The following CAMKK2 variants were observed in gnomAD, a reference collection of about 807,000 sequenced individuals.
The protein encoded by CAMKK2 is calcium/calmodulin-dependent protein kinase kinase 2.
In CAMKK2, 30 loss-of-function variants were observed where a neutral mutation model predicts 67.2. The observed-to-expected ratio is 0.45, with a 90% CI of 0.33 to 0.61. The LOEUF is 0.61. Among genes scored for constraint, CAMKK2 ranks in the 20% least tolerant of loss-of-function variants. CAMKK2 has a pLI of 0.02. For missense variants in CAMKK2, 643 were observed against 802.0 expected (o/e 0.80, Z 2.39); for synonymous variants, 322 against 326.2 (o/e 0.99, Z 0.14).
rs1396233586 is a variant in CAMKK2 at position 121,238,550 on chromosome 12, T to G, written c.*2149A>C. Reference sequence around the variant, plus strand: ...CCTTTCCACAGCTTTCTTTGGTGTTTCTTCATTAAAAGAAAAAAAAAAAGT... The same window carrying G: ...CCTTTCCACAGCTTTCTTTGGTGTTGCTTCATTAAAAGAAAAAAAAAAAGT... On this transcript the variant is annotated 3_prime_UTR_variant, in exon 17 of 17. Coordinates refer to ENST00000404169, the MANE Select transcript of CAMKK2 (RefSeq NM_001270485.2). 1 of 152,404 alleles carries G rather than the reference T, an allele frequency of 6.6e-6. No individual in the cohort carries two copies. Among genetic ancestry groups the G allele is most frequent in the Non-Finnish European group, 1.5e-5 (1 of 68,012 alleles). The allele number at this position is 152,404 out of a possible 1,614,324, so 9.4% of individuals were successfully genotyped here.
At chr12:121,244,717 G>T in intron 15 of CAMKK2, 102 bp from the exon 16 acceptor site, 1 of 911,170 alleles carries the variant, frequency 1.1e-6, no homozygotes, top group Non-Finnish European at 1.7e-6. Context: ...CCAAACACCA[G>T]CTTCATAGAG....
In CAMKK2 at chr12:121,240,672, G is replaced by A. The variant is rs564725074; in HGVS notation, c.*27C>T. 2.6e-6 allele frequency: 4 copies of A among 1,567,930 alleles called. No homozygotes were observed. Among genetic ancestry groups the A allele is most frequent in the East Asian group, 2.3e-5 (1 of 42,794 alleles). ...CAGCCCCCCAGAGGCGACGCGGCGC[G>A]CATGCGAGGTCGAGCGATCCAGGCA... On this transcript the variant is annotated 3_prime_UTR_variant, in exon 17 of 17. Transcript: ENST00000404169. This position sits in a 1 kb window ranked among gnomAD's most constrained non-coding sequence, Gnocchi z 4.4.
chr12:121,268,349 C>G (rs1164208178), intron 5 of CAMKK2, among the ~76,000 whole-genome samples: 1 of 151,880 alleles, frequency 6.6e-6, no homozygotes, highest in Non-Finnish European at 1.5e-5. Context: ...GTGTTTTCCT[C>G]TATTGGATTT....
chr12:121,267,002 G>A (rs532163277), intron 5 of CAMKK2, among the ~76,000 whole-genome samples: 3 of 119,876 alleles, frequency 2.5e-5, no homozygotes, highest in Non-Finnish European at 4.8e-5. Context: ...TCTCCATGAT[G>A]AGCCCTCCTG....
intron 14 of CAMKK2, among the ~76,000 whole-genome samples, chr12:121,246,825 C>T (rs1260743695): frequency 1.4e-5 from 2 of 146,034 alleles, no homozygotes; most frequent in Non-Finnish European, 3.0e-5. Context: ...CCTCCCCCAG[C>T]CCCCCAGCCC....
chr12:121,278,961 C>G (rs1031915600), intron 1 of CAMKK2, among the ~76,000 whole-genome samples: 6 of 152,248 alleles, frequency 3.9e-5, no homozygotes, highest in African/African-American at 1.4e-4. Context: ...AGTCTCTCCC[C>G]TATCCTAGAG....
At chr12:121,262,600 C>T (rs1481520591) in intron 6 of CAMKK2, among the ~76,000 whole-genome samples, 2 of 152,006 alleles carry the variant, frequency 1.3e-5, no homozygotes, top group Non-Finnish European at 2.9e-5. Context: ...ACTCTGTCTC[C>T]CAGGCTCGAG....
chr12:121,288,280 C>T (rs937974429), intron 1 of CAMKK2, among the ~76,000 whole-genome samples: 8 of 152,166 alleles, frequency 5.3e-5, no homozygotes, highest in African/African-American at 1.7e-4. Context: ...AGAGGGCCAG[C>T]TCGAAACCCA....
intron 1 of CAMKK2, among the ~76,000 whole-genome samples, chr12:121,275,489 C>CAA (rs10669562): frequency 0.14 from 8,654 of 63,682 alleles, 762 homozygotes; most frequent in East Asian, 0.32. Flanking sequence ...AAGACTGTCT[C>CAA]AAAAAAAAAA....
intron 5 of CAMKK2, among the ~76,000 whole-genome samples, chr12:121,267,920 G>A (rs1311374878): frequency 6.6e-6 from 1 of 151,630 alleles, no homozygotes; most frequent in Non-Finnish European, 1.5e-5. Flanking sequence ...TTGTTCCTAT[G>A]GATTGGCCTA....
intron 5 of CAMKK2, 112 bp from the exon 6 acceptor site, chr12:121,264,051 C>G: frequency 9.9e-7 from 1 of 1,013,080 alleles, no homozygotes; most frequent in Non-Finnish European, 1.4e-6. Context: ...CTCTGCAGGG[C>G]TGGAGTGGCT....
intron 7 of CAMKK2, among the ~76,000 whole-genome samples, chr12:121,256,867 C>T (rs917336843): frequency 6.6e-5 from 10 of 152,052 alleles, no homozygotes; most frequent in Admixed American, 2.0e-4. Flanking sequence ...AATGAACGTT[C>T]GTGTACATGG....
chr12:121,258,502 T>C (rs1182503481), intron 7 of CAMKK2, among the ~76,000 whole-genome samples: 2 of 152,110 alleles, frequency 1.3e-5, no homozygotes, highest in African/African-American at 4.8e-5. Flanking sequence ...TGGACTGAGT[T>C]TTCTGCCCTT....
chr12:121,243,990 G>C, intron 16 of CAMKK2: 2 of 1,525,158 alleles, frequency 1.3e-6, no homozygotes, highest in East Asian at 2.4e-5. Flanking sequence ...AGCCTCATCT[G>C]TCCTGGGAGG....
intron 1 of CAMKK2, among the ~76,000 whole-genome samples, chr12:121,293,513 A>C (rs1900522503): frequency 1.3e-5 from 2 of 152,216 alleles, no homozygotes; most frequent in East Asian, 3.9e-4. Context: ...AGTTGATAGA[A>C]TAATGGTGAT....
At chr12:121,241,625 G>T (rs1888407165) in intron 16 of CAMKK2, among the ~76,000 whole-genome samples, 1 of 152,246 alleles carries the variant, frequency 6.6e-6, no homozygotes, top group African/African-American at 2.4e-5. Flanking sequence ...AGGTCACTGG[G>T]CATGCCACAT....
At chr12:121,255,382 T>TTATATATAATTATATATATAATTTTA (rs1892031104) in intron 9 of CAMKK2, among the ~76,000 whole-genome samples, 168 bp downstream of exon 9, 1 of 30,690 alleles carries the variant, frequency 3.3e-5, no homozygotes, top group Non-Finnish European at 5.6e-5. Context: ...ATATATAATT[T>TTATATATAATTATATATATAATTTTA]TATATATATA....
chr12:121,240,164 C>A lies in CAMKK2; in HGVS notation c.*535G>T. On this transcript the variant is annotated 3_prime_UTR_variant, in exon 17 of 17. Transcript: ENST00000404169. The surrounding 1 kb of genome is among the most constrained non-coding windows in gnomAD (Gnocchi z 4.4). ...TACAAATAAGTTGCATCAAAGCTCC[C>A]TGCAGCTACTGAGGGCCAGCCCTGC... The A allele has an allele frequency of 4.5e-6, 2 of 445,976 alleles. No homozygotes were observed. The highest frequency in any genetic ancestry group is 7.9e-6 in the Non-Finnish European group (2 of 252,382). The allele number at this position is 445,976 out of a possible 1,614,324, so 27.6% of individuals were successfully genotyped here.
intron 1 of CAMKK2, among the ~76,000 whole-genome samples, chr12:121,293,793 T>C (rs1035208046): frequency 6.6e-6 from 1 of 152,092 alleles, no homozygotes; most frequent in Non-Finnish European, 1.5e-5. Context: ...TCAGGGAGCC[T>C]CCCAGATTCA....
Sources: gnomAD v4.1 joint callset for allele counts (sites outside exome capture counted in the v4.1 genomes callset) on GRCh38, gnomAD v4.1.1 for gene constraint, Gnocchi (gnomAD v3.1) non-coding constraint, MANE v1.5 for transcripts, NCBI Gene and HGNC (gene_info 2026-07-23, HGNC 2026-07-21) for gene names.